Variants in BOP1 observed in about 807,000 individuals in gnomAD.
BOP1 encodes BOP1 ribosomal biogenesis factor.
In BOP1, 54 loss-of-function variants were observed where a neutral mutation model predicts 82.9. The observed-to-expected ratio is 0.65, with a 90% CI of 0.52 to 0.82. The LOEUF (loss-of-function observed/expected upper bound fraction) is 0.82. Among genes scored for constraint, BOP1 ranks in the 40% least tolerant of loss-of-function variants. The probability of loss-of-function intolerance (pLI) is 0.00; values close to 1 mark genes in which losing one functional copy is unlikely to be tolerated. For synonymous variants in BOP1, 566 were observed against 451.1 expected (o/e 1.25, Z -3.23); for missense variants, 1,170 against 1,072.0 (o/e 1.09, Z -1.28).
intron 2 of BOP1, among the ~76,000 whole-genome samples, chr8:144,285,666 T>C (rs1252779259): frequency 2.0e-5 from 3 of 152,190 alleles, no homozygotes; most frequent in African/African-American, 7.2e-5. Context: ...GTGGTGTGAA[T>C]TCCCAGAACC....
At chr8:144,268,074 G>C in intron 3 of BOP1, 1 of 1,549,802 alleles carries the variant, frequency 6.5e-7, no homozygotes, top group Non-Finnish European at 8.7e-7. Flanking sequence ...GGCTCTGCCG[G>C]GGCCTGACAC....
intron 3 of BOP1, among the ~76,000 whole-genome samples, chr8:144,274,529 G>C (rs1212884111): frequency 1.3e-5 from 2 of 152,258 alleles, no homozygotes; most frequent in African/African-American, 4.8e-5. Flanking sequence ...GGAGGCATCT[G>C]TCCGGGCCTG....
intron 3 of BOP1, chr8:144,266,975 C>T: frequency 6.4e-7 from 1 of 1,554,598 alleles, no homozygotes; most frequent in Middle Eastern, 2.0e-4. Flanking sequence ...CGCCTGGCCT[C>T]CAGCTACATC....
Position 144,263,542 on chromosome 8 carries a change from C to G in BOP1, c.1360G>C (p.Gly454Arg), listed in dbSNP as rs928396741. ...TARCVRTVPV[G>R]GVVKSVAWNP... The stretch of plus-strand genomic sequence containing the variant: ...CAGGCCACACTCTTCACCACGCCCC[C>G]CACGGGAACAGTCCTCACACAGCGG... The change falls in exon 11 of 16, where the codon GGG (glycine) becomes CGG (arginine). Residue 454 changes from glycine (G) to arginine (R), a missense_variant. Coordinates refer to ENST00000569669, the MANE Select transcript of BOP1 (RefSeq NM_015201.5). 2,814 of 1,600,688 alleles carry G rather than the reference C, an allele frequency of 1.8e-3. 41 individuals carry two copies. The African/African-American group carries it at 0.033, about 19-fold the overall frequency.
chr8:144,274,687 C>T (rs1845542510), intron 3 of BOP1, among the ~76,000 whole-genome samples: 1 of 152,240 alleles, frequency 6.6e-6, no homozygotes, highest in Non-Finnish European at 1.5e-5. Flanking sequence ...GCCCCCACAT[C>T]CCTGGCCGGC....
chr8:144,265,167 G>C (rs1054950794), intron 3 of BOP1, 96 bp from the exon 4 acceptor site: 1 of 1,421,010 alleles, frequency 7.0e-7, no homozygotes, highest in African/African-American at 1.4e-5. Flanking sequence ...TGCAGGGGGA[G>C]TGCAGGCCCA....
intron 3 of BOP1, chr8:144,265,428 T>C (rs1845337471): frequency 2.6e-6 from 1 of 388,068 alleles, no homozygotes; most frequent in South Asian, 3.3e-5. Context: ...GCAGGGGCCT[T>C]AGGCAGAAGT....
intron 3 of BOP1, among the ~76,000 whole-genome samples, chr8:144,271,604 C>T (rs1334216480): frequency 6.6e-6 from 1 of 152,188 alleles, no homozygotes; most frequent in African/African-American, 2.4e-5. Flanking sequence ...GTGCTCAGGG[C>T]AAGGCCAGGG....
rs1159227018 is a variant in BOP1, at chr8:144,267,003, G to T, written c.391-1932C>A. On this transcript the variant is annotated intron_variant, in intron 3 of 15. Coordinates refer to ENST00000569669, the MANE Select transcript of BOP1 (RefSeq NM_015201.5). The stretch of plus-strand genomic sequence containing the variant: ...GCTACATCTCGCACCTGGGCAACGT[G>T]CTGCTGGCGGGCGAGGCCTGCGGCG... The T allele has an allele frequency of 8.7e-5, 135 of 1,543,072 alleles. No homozygotes were observed. The African/African-American group carries it at 1.6e-3, about 18-fold the overall frequency.
Position 144,266,519 on chromosome 8 carries a change from C to T in BOP1, c.391-1448G>A, listed in dbSNP as rs1467979585. The T allele has an allele frequency of 3.2e-4, 317 of 989,462 alleles. 1 individual carries two copies. Among genetic ancestry groups the T allele is most frequent in the Non-Finnish European group, 3.7e-4 (307 of 833,786 alleles). The allele number at this position is 989,462 out of a possible 1,614,324, so 61.3% of individuals were successfully genotyped here. A position where few individuals can be genotyped will look rare whatever the true frequency, so the allele number is the denominator to read the frequency against. ...ACCGCGGGGCGCAGCCGAGACCCCGCGCCTCGCCCCGGCCGGCCCGCGAGG... is the reference window on the plus strand; with the variant it reads ...ACCGCGGGGCGCAGCCGAGACCCCGTGCCTCGCCCCGGCCGGCCCGCGAGG... On this transcript the variant is annotated intron_variant, in intron 3 of 15. Transcript: ENST00000569669.
intron 2 of BOP1, among the ~76,000 whole-genome samples, chr8:144,285,390 G>A (rs1390129327): frequency 1.3e-5 from 2 of 152,224 alleles, no homozygotes; most frequent in African/African-American, 4.8e-5. Context: ...CAGGGGCCAC[G>A]TCTTGCCAAC....
intron 2 of BOP1, among the ~76,000 whole-genome samples, chr8:144,285,139 A>G (rs1297692455): frequency 6.6e-6 from 1 of 152,224 alleles, no homozygotes; most frequent in African/African-American, 2.4e-5. Flanking sequence ...CAAAAGCCGC[A>G]GCTCCCTCCC....
intron 2 of BOP1, 70 bp from the exon 3 acceptor site, chr8:144,276,374 G>C (rs1845568344): frequency 6.4e-7 from 1 of 1,554,592 alleles, no homozygotes; most frequent in African/African-American, 1.4e-5. Flanking sequence ...GGGGATCCCA[G>C]GAAGCCCACC....
chr8:144,291,280 C>G lies in BOP1; in HGVS notation c.91G>C (p.Glu31Gln). 3 of 1,459,672 alleles carry G rather than the reference C, an allele frequency of 2.1e-6. No homozygotes were observed. The highest frequency in any genetic ancestry group is 2.7e-6 in the Non-Finnish European group (3 of 1,107,574). 90.4% of individuals were successfully genotyped at this position (1,459,672 alleles called of 1,614,324 possible). ...CGCATCGCCACAGTCACCTCCGGCT[C>G]GGGCTCAGGCTCCAGTTCGGGCTCA... ...RSEPELEPEP[E>Q]PEPPLLCTSP... The change falls in exon 1 of 16, where the codon GAG becomes CAG. Residue 31 changes from glutamate (E) to glutamine (Q), a missense_variant. By Grantham distance (29) the Glu-to-Gln change is conservative. Coordinates refer to ENST00000569669, the MANE Select transcript of BOP1 (RefSeq NM_015201.5). This position sits in a 1 kb window ranked among gnomAD's most constrained non-coding sequence, Gnocchi z 4.1.
intron 3 of BOP1, chr8:144,267,111 C>G: frequency 6.8e-7 from 1 of 1,465,504 alleles, no homozygotes; most frequent in South Asian, 1.4e-5. Context: ...CGCCGCCTCC[C>G]GCCCGCGACG....
chr8:144,269,821 C>T lies in BOP1; in HGVS notation c.391-4750G>A, dbSNP rs750526030. On this transcript the variant is annotated intron_variant, in intron 3 of 15. Transcript: ENST00000569669. ...TTCTTGGGAGCTTTCCTCACACCCC[C>T]GCCCCGCCACCCTCCCAGGCACCAA... Among the ~76,000 whole-genome samples the T allele has an allele frequency of 8.4e-3, 1,286 of 152,320 alleles. 22 individuals are homozygous for T. Among genetic ancestry groups the T allele is most frequent in the African/African-American group, 0.029 (1,206 of 41,564 alleles).
intron 3 of BOP1, among the ~76,000 whole-genome samples, chr8:144,272,371 G>A (rs1199421997): frequency 3.9e-5 from 6 of 152,032 alleles, no homozygotes; most frequent in Admixed American, 1.3e-4. Context: ...TGGGACTCCC[G>A]TCCCCTGCAG....
chr8:144,266,660 A>G, intron 3 of BOP1: 1 of 1,255,198 alleles, frequency 8.0e-7, no homozygotes, highest in East Asian at 5.4e-5. Flanking sequence ...CGCTACCTGT[A>G]CCCCGAGGTG....
intron 3 of BOP1, 97 bp from the exon 4 acceptor site, chr8:144,265,168 T>G: frequency 1.4e-6 from 2 of 1,420,568 alleles, no homozygotes; most frequent in Non-Finnish European, 1.9e-6. Flanking sequence ...GCAGGGGGAG[T>G]GCAGGCCCAG....
Sources: allele counts gnomAD v4.1 joint callset (sites outside exome capture counted in the v4.1 genomes callset), GRCh38; gene constraint gnomAD v4.1.1; non-coding constraint Gnocchi (gnomAD v3.1); transcripts MANE v1.5; gene names NCBI Gene and HGNC (gene_info 2026-07-23, HGNC 2026-07-21).